The following IL17RD variants were observed in gnomAD, a reference collection of about 807,000 sequenced individuals.
IL17RD encodes interleukin 17 receptor D.
Under a neutral mutation model 80.5 loss-of-function variants are expected in IL17RD, and 52 were observed. The observed-to-expected ratio is 0.65, with a 90% CI of 0.52 to 0.81. The LOEUF (loss-of-function observed/expected upper bound fraction) is 0.81. Ranked by LOEUF, IL17RD falls within the 40% of genes least tolerant of loss-of-function variation. The pLI, the probability that IL17RD is intolerant of heterozygous loss-of-function variation, is 0.00. For missense variants in IL17RD, 1,024 were observed against 955.1 expected (o/e 1.07, Z -0.95); for synonymous variants, 416 against 391.8 (o/e 1.06, Z -0.73).
Position 57,096,425 on chromosome 3 carries a change from T to C in IL17RD, c.2188A>G (p.Thr730Ala). Reference sequence around the variant, plus strand: ...GGGGCGACCGCGTGGAGTTCATCAGTGTAGCTGCGGCAACCAAGATCTGCT... The same window carrying C: ...GGGGCGACCGCGTGGAGTTCATCAGCGTAGCTGCGGCAACCAAGATCTGCT... ...CKADLGCRSYTDELHAVAPL is the reference protein window; with the variant it reads ...CKADLGCRSYADELHAVAPL The change falls in exon 13 of 13, where the codon ACT becomes GCT. Residue 730 changes from threonine (T) to alanine (A), a missense_variant. Thr to Ala is a moderately conservative substitution (Grantham distance 58). Transcript: ENST00000296318. The C allele has an allele frequency of 6.2e-7, 1 of 1,613,888 alleles. No homozygotes were observed. The highest frequency in any genetic ancestry group is 8.5e-7 in the Non-Finnish European group (1 of 1,179,812).
At chr3:57,156,260 CATT>C (rs2107542474) in intron 1 of IL17RD, among the ~76,000 whole-genome samples, 1 of 152,052 alleles carries the variant, frequency 6.6e-6, no homozygotes, top group South Asian at 2.1e-4. Flanking sequence ...TCTGATACTT[CATT>C]ATCCTATTTG....
chr3:57,116,182 T>C (rs1707211393), intron 2 of IL17RD, among the ~76,000 whole-genome samples: 1 of 152,156 alleles, frequency 6.6e-6, no homozygotes, highest in Admixed American at 6.5e-5. Flanking sequence ...ATGCTGCCTG[T>C]ATTCTGCTTT....
Position 57,101,263 on chromosome 3 carries a change from G to C in IL17RD, c.1080C>G (p.Leu360=). Residue 360 remains leucine (L), a synonymous_variant, in exon 11 of 13, where the codon CTC becomes CTG. Coordinates refer to ENST00000296318, the MANE Select transcript of IL17RD (RefSeq NM_017563.5). ...ERLRPRPKVF[L]CYSSKDGQNH... Reference sequence around the variant, plus strand: ...TCTGGCCATCTTTACTGGAATAGCAGAGAAAGACCTTCGGCCGCGGCCGGA... The same window carrying C: ...TCTGGCCATCTTTACTGGAATAGCACAGAAAGACCTTCGGCCGCGGCCGGA... 1 of 1,613,742 alleles carries C rather than the reference G, an allele frequency of 6.2e-7. No individual in the cohort carries two copies. The highest frequency in any genetic ancestry group is 8.5e-7 in the Non-Finnish European group (1 of 1,179,708).
At chr3:57,096,604 T>G in intron 12 of IL17RD, 99 bp from the exon 13 acceptor site, 1 of 855,712 alleles carries the variant, frequency 1.2e-6, no homozygotes, top group Admixed American at 1.8e-5. Context: ...GTTTGGACTA[T>G]GGGCTCTGTA....
intron 1 of IL17RD, among the ~76,000 whole-genome samples, chr3:57,162,672 T>G (rs2107548253): frequency 1.3e-5 from 2 of 152,294 alleles, no homozygotes; most frequent in South Asian, 2.1e-4. Flanking sequence ...GATGCCCTGA[T>G]CTTTGCCTCT....
intron 1 of IL17RD, among the ~76,000 whole-genome samples, chr3:57,146,749 C>CAAA (rs201495065): frequency 5.3e-5 from 4 of 75,230 alleles, no homozygotes; most frequent in Non-Finnish European, 1.1e-4. Context: ...GACTGCATCT[C>CAAA]AAAAAAAAAA....
chr3:57,164,574 G>A (rs543942799), intron 1 of IL17RD, among the ~76,000 whole-genome samples: 1 of 152,236 alleles, frequency 6.6e-6, no homozygotes, highest in Non-Finnish European at 1.5e-5. Context: ...GAACCGGGAG[G>A]CGAAGTTTCT....
intron 1 of IL17RD, among the ~76,000 whole-genome samples, chr3:57,155,003 G>A (rs928773988): frequency 9.9e-5 from 15 of 152,242 alleles, no homozygotes; most frequent in South Asian, 8.3e-4. Context: ...TTCCTCCCAC[G>A]GGGAGGCAAG....
chr3:57,164,844 A>G, intron 1 of IL17RD: 1 of 1,080,636 alleles, frequency 9.3e-7, no homozygotes, highest in Non-Finnish European at 1.1e-6. Context: ...TCCCGGGCCA[A>G]GAACAAAGGG....
chr3:57,121,125 G>A (rs535107282), intron 1 of IL17RD, among the ~76,000 whole-genome samples: 10 of 152,134 alleles, frequency 6.6e-5, no homozygotes, highest in Admixed American at 5.2e-4. Flanking sequence ...CAAATGTGCC[G>A]TTCAGCATTA....
At chr3:57,168,599 G>C (rs923314199), upstream of IL17RD, among the ~76,000 whole-genome samples, 5 of 152,196 alleles carry the variant, frequency 3.3e-5, no homozygotes, top group Non-Finnish European at 7.3e-5. Flanking sequence ...GTCAAATCTG[G>C]TCAGGAAATT....
chr3:57,120,168 G>T (rs767025496), intron 2 of IL17RD, 88 bp downstream of exon 2: 18 of 1,099,074 alleles, frequency 1.6e-5, no homozygotes, highest in Middle Eastern at 2.0e-4. Flanking sequence ...TCAACCCCAA[G>T]ACTGCAGAGT....
chr3:57,158,216 G>A (rs1321954993), intron 1 of IL17RD, among the ~76,000 whole-genome samples: 2 of 152,236 alleles, frequency 1.3e-5, no homozygotes, highest in East Asian at 1.9e-4. Context: ...TAGTTTTAAT[G>A]AAAAGCCTCA....
At chr3:57,114,554 A>G in intron 3 of IL17RD, 138 bp downstream of exon 3, 1 of 698,194 alleles carries the variant, frequency 1.4e-6, no homozygotes, top group Non-Finnish European at 2.2e-6. Context: ...TATGCAACAA[A>G]GTGTATCTGT....
chr3:57,100,600 C>T (rs138076882), intron 11 of IL17RD, among the ~76,000 whole-genome samples: 8 of 152,166 alleles, frequency 5.3e-5, no homozygotes, highest in African/African-American at 7.2e-5. Flanking sequence ...TGGCCAGTGC[C>T]GTCTCCTGCA....
chr3:57,127,412 A>ATATATTTTTT lies in IL17RD; in HGVS notation c.127-7100_127-7099insAAAAAATATA, dbSNP rs1246159104. 6.7e-4 allele frequency among the ~76,000 whole-genome samples: 61 copies of ATATATTTTTT among 91,194 alleles called. 3 individuals are homozygous for ATATATTTTTT. Among genetic ancestry groups the ATATATTTTTT allele is most frequent in the African/African-American group, 2.9e-3 (60 of 20,472 alleles). The allele number at this position is 91,194 out of a possible 152,430, so 59.8% of individuals were successfully genotyped here. ...AATAAATAAATATATATATATATATATTTTTTTTTTGAGATAAGAGTCTTG... is the reference window on the plus strand; with the variant it reads ...AATAAATAAATATATATATATATATATATATTTTTTTTTTTTTTTTGAGATAAGAGTCTTG... On this transcript the variant is annotated intron_variant, in intron 1 of 12. Transcript: ENST00000296318.
At chr3:57,123,941 A>C (rs1336458749) in intron 1 of IL17RD, among the ~76,000 whole-genome samples, 1 of 152,160 alleles carries the variant, frequency 6.6e-6, no homozygotes, top group Non-Finnish European at 1.5e-5. Flanking sequence ...GCTACTTGGG[A>C]GGCTGAGGCG....
intron 1 of IL17RD, among the ~76,000 whole-genome samples, chr3:57,131,741 A>G (rs1344243035): frequency 6.6e-6 from 1 of 152,254 alleles, no homozygotes; most frequent in Non-Finnish European, 1.5e-5. Context: ...ATGTGTGCAC[A>G]CACATTGGCA....
chr3:57,148,485 G>C (rs2107533691), intron 1 of IL17RD, among the ~76,000 whole-genome samples: 1 of 152,228 alleles, frequency 6.6e-6, no homozygotes, highest in Middle Eastern at 3.4e-3. Context: ...TACCCATTTA[G>C]CAAATTTATT....
Sources: allele counts gnomAD v4.1 joint callset (sites outside exome capture counted in the v4.1 genomes callset), GRCh38; gene constraint gnomAD v4.1.1; transcripts MANE v1.5; gene names NCBI Gene and HGNC (gene_info 2026-07-23, HGNC 2026-07-21).